Variants in CCDC7 observed in about 807,000 individuals in gnomAD.
CCDC7 encodes the protein coiled-coil domain containing 7.
Under a neutral mutation model 196.9 loss-of-function variants are expected in CCDC7, and 183 were observed. The ratio of observed to expected loss-of-function variants is 0.93; its 90% CI spans 0.82 to 1.05. The LOEUF (loss-of-function observed/expected upper bound fraction) is 1.05. CCDC7 is among the 50% of genes least tolerant of loss of function. CCDC7 has a pLI of 0.00. For missense variants in CCDC7, 1,540 were observed against 1,482.2 expected (o/e 1.04, Z -0.64); for synonymous variants, 525 against 484.6 (o/e 1.08, Z -1.10).
At chr10:32,450,258 G>T (rs769733388), upstream of CCDC7, among the ~76,000 whole-genome samples, 1 of 152,216 alleles carries the variant, frequency 6.6e-6, no homozygotes, top group Non-Finnish European at 1.5e-5. Flanking sequence ...GCTTGCAGCT[G>T]CATCACTTTA....
intron 30 of CCDC7, among the ~76,000 whole-genome samples, chr10:32,807,315 C>G (rs1410325197): frequency 6.6e-6 from 1 of 151,952 alleles, no homozygotes; most frequent in Non-Finnish European, 1.5e-5. Context: ...ATTGCTGGGA[C>G]TTTAAAATAT....
chr10:32,814,150 G>A (rs2087824224), intron 30 of CCDC7, among the ~76,000 whole-genome samples: 1 of 151,962 alleles, frequency 6.6e-6, no homozygotes, highest in Admixed American at 6.6e-5. Context: ...TAGAGACGGG[G>A]TTTCACCATG....
At chr10:32,828,972 A>T (rs1279170063) in intron 32 of CCDC7, among the ~76,000 whole-genome samples, 1 of 152,208 alleles carries the variant, frequency 6.6e-6, no homozygotes, top group Admixed American at 6.5e-5. Flanking sequence ...ACTGGAAGTT[A>T]AGAGTGCCAC....
chr10:32,759,680 A>G (rs1168755636), intron 28 of CCDC7, among the ~76,000 whole-genome samples: 5 of 152,226 alleles, frequency 3.3e-5, no homozygotes, highest in Admixed American at 3.3e-4. Flanking sequence ...GGACATAGGC[A>G]TGGGCAAGGA....
chr10:32,637,841 A>G (rs2065933566), intron 20 of CCDC7, among the ~76,000 whole-genome samples: 1 of 152,156 alleles, frequency 6.6e-6, no homozygotes, highest in Non-Finnish European at 1.5e-5. Flanking sequence ...TTTTCACGAT[A>G]TTGATTCTTC....
chr10:32,828,416 G>GAGAAGA (rs1555179191), intron 32 of CCDC7, among the ~76,000 whole-genome samples: 2,940 of 100,408 alleles, frequency 0.029, 200 homozygotes, highest in African/African-American at 0.065. Context: ...GAAGGAGAAG[G>GAGAAGA]AGAAGAAGAA....
At chr10:32,467,088 G>A (rs558509216) in intron 5 of CCDC7, among the ~76,000 whole-genome samples, 9 of 149,772 alleles carry the variant, frequency 6.0e-5, no homozygotes, top group African/African-American at 2.2e-4. Flanking sequence ...GAAAAGCGTC[G>A]TTCATGTCCT....
intron 20 of CCDC7, among the ~76,000 whole-genome samples, chr10:32,657,060 C>T (rs1035933835): frequency 7.9e-5 from 12 of 152,262 alleles, no homozygotes; most frequent in African/African-American, 1.9e-4. Context: ...CCAGGGCACA[C>T]TGGTGCAAGA....
chr10:32,742,322 A>G (rs1242321821), intron 28 of CCDC7, among the ~76,000 whole-genome samples: 1 of 152,154 alleles, frequency 6.6e-6, no homozygotes, highest in African/African-American at 2.4e-5. Context: ...GTTATAACCA[A>G]TGAACCTACA....
intron 14 of CCDC7, among the ~76,000 whole-genome samples, chr10:32,567,263 C>T (rs2056965842): frequency 6.6e-6 from 1 of 150,966 alleles, no homozygotes; most frequent in Admixed American, 6.6e-5. Flanking sequence ...TTTAAGGAGA[C>T]TTTTATTCCA....
rs553967931 is a variant in CCDC7, at chr10:32,757,648, G to A, written c.2906-21329G>A. On this transcript the variant is annotated intron_variant, in intron 28 of 41. Coordinates refer to ENST00000639629, the Ensembl canonical transcript of CCDC7. Reference sequence around the variant, plus strand: ...AGCACTAAATGCCCACAAGAGAAAGGAGGAAAGATCTAAAATTGACACTCT... The same window carrying A: ...AGCACTAAATGCCCACAAGAGAAAGAAGGAAAGATCTAAAATTGACACTCT... Among the ~76,000 whole-genome samples the A allele has an allele frequency of 2.6e-5, 4 of 152,208 alleles. No individual in the cohort carries two copies. The South Asian group carries it at 8.3e-4, about 32-fold the overall frequency.
At chr10:32,866,414 A>T (rs1275228383) in intron 41 of CCDC7, among the ~76,000 whole-genome samples, 1 of 151,866 alleles carries the variant, frequency 6.6e-6, no homozygotes, top group South Asian at 2.1e-4. Context: ...AAAATGAACA[A>T]ATCAATTTAA....
At chr10:32,489,050 C>T (rs1304261634) in intron 8 of CCDC7, among the ~76,000 whole-genome samples, 1 of 152,162 alleles carries the variant, frequency 6.6e-6, no homozygotes. Flanking sequence ...CTTCTAATCT[C>T]TTTTACTTCC....
At chr10:32,628,202 G>T (rs142038700) in intron 18 of CCDC7, among the ~76,000 whole-genome samples, 1 of 151,822 alleles carries the variant, frequency 6.6e-6, no homozygotes, top group Admixed American at 6.6e-5. Flanking sequence ...CTAATTATTG[G>T]TCTGTTCAGA....
intron 28 of CCDC7, among the ~76,000 whole-genome samples, chr10:32,751,528 G>A (rs1258236432): frequency 1.3e-5 from 2 of 152,088 alleles, no homozygotes; most frequent in East Asian, 1.9e-4. Context: ...TCAAGTAAAA[G>A]TTCTTTAAGT....
At chr10:32,791,248 C>CA (rs563358748) in intron 29 of CCDC7, among the ~76,000 whole-genome samples, 35 of 139,522 alleles carry the variant, frequency 2.5e-4, no homozygotes, top group Middle Eastern at 3.6e-3. Context: ...GAGTCTTTTT[C>CA]AAAAAAAAAA....
intron 20 of CCDC7, among the ~76,000 whole-genome samples, chr10:32,652,800 G>A (rs988177958): frequency 6.6e-6 from 1 of 151,816 alleles, no homozygotes; most frequent in Non-Finnish European, 1.5e-5. Flanking sequence ...TAATAGTTTT[G>A]TCTGTCTTCA....
intron 28 of CCDC7, among the ~76,000 whole-genome samples, chr10:32,736,946 GA>G (rs929502150): frequency 3.3e-5 from 5 of 151,510 alleles, no homozygotes; most frequent in African/African-American, 9.7e-5. Context: ...CCTTATCTTA[GA>G]AAAAAAAGCA....
At position 32,820,126 on chromosome 10, in the gene CCDC7, T is replaced by C. The variant is rs1289486094; in HGVS notation, c.3182-4392T>C. On this transcript the variant is annotated intron_variant, in intron 31 of 41. Coordinates refer to ENST00000639629, the Ensembl canonical transcript of CCDC7. ...AGGCAACTTCAGCAAAGTCTCCAGA[T>C]ACAAAATCAATGTGCAAAAATCACA... Among the ~76,000 whole-genome samples, 5 of 152,214 alleles carry C rather than the reference T, an allele frequency of 3.3e-5. No individual in the cohort carries two copies. In the East Asian group the frequency reaches 9.6e-4, roughly 29 times the overall value.
Sources: allele counts gnomAD v4.1 joint callset (sites outside exome capture counted in the v4.1 genomes callset), GRCh38; gene constraint gnomAD v4.1.1; transcripts MANE v1.5; gene names NCBI Gene and HGNC (gene_info 2026-07-23, HGNC 2026-07-21).